Variants in LRRC8E observed in about 807,000 individuals in gnomAD.
LRRC8E encodes the protein leucine rich repeat containing 8 VRAC subunit E.
LRRC8E carries 6 observed loss-of-function variants against 6.1 expected under a neutral mutation model. That is an observed-to-expected ratio of 0.98 (90% CI 0.54 to 1.93). The LOEUF (loss-of-function observed/expected upper bound fraction) is 1.93. Ranked by LOEUF, LRRC8E falls within the 30% of genes most tolerant of loss-of-function variation. The probability of loss-of-function intolerance (pLI) is 0.01; values close to 1 mark genes in which losing one functional copy is unlikely to be tolerated. For synonymous variants in LRRC8E, 485 were observed against 472.8 expected (o/e 1.03, Z -0.33); for missense variants, 1,028 against 1,031.4 (o/e 1.00, Z 0.04).
Position 7,898,982 on chromosome 19 carries a change from G to C in LRRC8E, c.460G>C (p.Gly154Arg), listed in dbSNP as rs1444614536. ...GATTGAACACTTCATCTCCATCCTG[G>C]GCAAGTGTTTCGACTCTCCATGGAC... ...SKIEHFISILGKCFDSPWTTR... is the reference protein window; with the variant it reads ...SKIEHFISILRKCFDSPWTTR... Residue 154 changes from glycine (G) to arginine (R), a missense_variant, in exon 3 of 3, where the codon GGC (glycine) becomes CGC (arginine). Coordinates refer to ENST00000306708, the MANE Select transcript of LRRC8E (RefSeq NM_025061.6). The C allele has an allele frequency of 1.2e-6, 2 of 1,614,088 alleles. No homozygotes were observed. Among genetic ancestry groups the C allele is most frequent in the East Asian group, 4.5e-5 (2 of 44,880 alleles).
At chr19:7,897,684 C>T (rs879083437) in intron 2 of LRRC8E, among the ~76,000 whole-genome samples, 2 of 145,634 alleles carry the variant, frequency 1.4e-5, no homozygotes, top group Admixed American at 7.0e-5. Flanking sequence ...TGTATCCTCA[C>T]GTCATCTTCT....
In LRRC8E at chr19:7,900,872, G is replaced by C. The variant is rs753644940; in HGVS notation, c.2350G>C (p.Gly784Arg). ...CCTGGTGGAAGACACGCTTTACCAG[G>C]GTCTGCCGGCAGAAGTGCGGGACAA... is the stretch of plus-strand genomic sequence containing the variant. Reference protein sequence around the residue: ...GLLVEDTLYQGLPAEVRDKME... With the variant: ...GLLVEDTLYQRLPAEVRDKME... Residue 784 changes from glycine (G) to arginine (R), a missense_variant, in exon 3 of 3, where the codon GGT becomes CGT. By Grantham distance (125) the Gly-to-Arg change is moderately radical. Transcript: ENST00000306708. The surrounding 1 kb of genome is among the most constrained non-coding windows in gnomAD (Gnocchi z 5.0). 40 of 1,536,018 alleles carry C rather than the reference G, an allele frequency of 2.6e-5. No homozygotes were observed. The East Asian group carries it at 7.7e-4, about 30-fold the overall frequency.
chr19:7,890,107 C>G (rs954882141), intron 1 of LRRC8E, among the ~76,000 whole-genome samples: 5 of 151,916 alleles, frequency 3.3e-5, no homozygotes, highest in Non-Finnish European at 7.4e-5. Flanking sequence ...CCTCTTAGGG[C>G]TGAAAACTGC....
At position 7,900,009 on chromosome 19, in the gene LRRC8E, T is replaced by C; in HGVS notation, c.1487T>C (p.Leu496Pro). The change falls in exon 3 of 3, where the codon CTC (leucine) becomes CCC (proline). Residue 496 changes from leucine to proline, a missense_variant. By Grantham distance (98) the Leu-to-Pro change is moderately conservative. Transcript: ENST00000306708. The surrounding 1 kb of genome is among the most constrained non-coding windows in gnomAD (Gnocchi z 5.0). ...GTGATGCGCGTCAAATGCGAGGAGC[T>C]CCGCGAGGTGCCGCTTTGGGTGTTT... ...LKVMRVKCEE[L>P]REVPLWVFGL... 2 of 1,609,774 alleles carry C rather than the reference T, an allele frequency of 1.2e-6. No homozygotes were observed. The highest frequency in any genetic ancestry group is 1.7e-6 in the Non-Finnish European group (2 of 1,179,418).
Position 7,899,431 on chromosome 19 carries a change from C to T in LRRC8E, c.909C>T (p.His303=). The change falls in exon 3 of 3, where the codon CAC becomes CAT. Residue 303 remains histidine, a synonymous_variant. Transcript: ENST00000306708. ...VTGYASFCCN[H]TKAHLFSKLA... is the part of the protein sequence containing the mutation. ...GCTACGCCAGCTTCTGCTGCAACCACACCAAGGCCCACCTCTTCTCCAAGC... is the reference window on the plus strand; with the variant it reads ...GCTACGCCAGCTTCTGCTGCAACCATACCAAGGCCCACCTCTTCTCCAAGC... The T allele has an allele frequency of 1.2e-6, 2 of 1,614,188 alleles. No individual in the cohort carries two copies. The highest frequency in any genetic ancestry group is 1.7e-6 in the Non-Finnish European group (2 of 1,180,044).
In LRRC8E at chr19:7,900,620, A is replaced by G. The variant is rs776235373; in HGVS notation, c.2098A>G (p.Asn700Asp). The G allele has an allele frequency of 1.2e-6, 2 of 1,613,398 alleles. No individual in the cohort carries two copies. Among genetic ancestry groups the G allele is most frequent in the South Asian group, 2.2e-5 (2 of 91,088 alleles). Reference sequence around the variant, plus strand: ...GCCACCCGAGGTGGGCCTCCTGCAGAACCTACAGCACCTGGCCCTCTCCTA... The same window carrying G: ...GCCACCCGAGGTGGGCCTCCTGCAGGACCTACAGCACCTGGCCCTCTCCTA... ...SLPPEVGLLQNLQHLALSYNA... is the reference protein window; with the variant it reads ...SLPPEVGLLQDLQHLALSYNA... Residue 700 changes from asparagine (N) to aspartate (D), a missense_variant, in exon 3 of 3, where the codon AAC becomes GAC. By Grantham distance (23) the Asn-to-Asp change is conservative. Coordinates refer to ENST00000306708, the MANE Select transcript of LRRC8E (RefSeq NM_025061.6). This position sits in a 1 kb window ranked among gnomAD's most constrained non-coding sequence, Gnocchi z 5.0.
chr19:7,895,286 C>T lies in LRRC8E; in HGVS notation c.-5-313C>T, dbSNP rs759141176. 20 of 267,944 alleles carry T rather than the reference C, an allele frequency of 7.5e-5. No homozygotes were observed. Among genetic ancestry groups the T allele is most frequent in the Non-Finnish European group, 1.3e-4 (18 of 137,656 alleles). The allele number at this position is 267,944 out of a possible 1,614,324, so 16.6% of individuals were successfully genotyped here. On this transcript the variant is annotated intron_variant, in intron 1 of 2. Coordinates refer to ENST00000306708, the MANE Select transcript of LRRC8E (RefSeq NM_025061.6). This position sits in a 1 kb window ranked among gnomAD's most constrained non-coding sequence, Gnocchi z 4.7. ...GCCTCGTTTTGGGGAGGGGGCCACC[C>T]GAGGAGGCTGGAGGGCGGCGGCCCT...
chr19:7,893,026 A>G (rs1306683149), intron 1 of LRRC8E, among the ~76,000 whole-genome samples: 1 of 152,058 alleles, frequency 6.6e-6, no homozygotes, highest in Non-Finnish European at 1.5e-5. Context: ...TTTAGTTTTG[A>G]GACAGAGTCT....
intron 2 of LRRC8E, among the ~76,000 whole-genome samples, chr19:7,897,172 C>CTTTT (rs147426486): frequency 6.8e-6 from 1 of 147,388 alleles, no homozygotes; most frequent in Non-Finnish European, 1.5e-5. Context: ...TTTTCTTTTT[C>CTTTT]TTTTTCTTTT....
intron 1 of LRRC8E, chr19:7,893,570 CAG>C (rs1018086173): frequency 1.4e-5 from 2 of 147,606 alleles, no homozygotes; most frequent in African/African-American, 5.0e-5. Context: ...TTTCCCGAGA[CAG>C]AGTCTCGCTC....
At position 7,897,239 on chromosome 19, in the gene LRRC8E, G is replaced by A. The variant is rs778823376; in HGVS notation, c.139-1422G>A. 2.0e-5 allele frequency among the ~76,000 whole-genome samples: 3 copies of A among 150,384 alleles called. No homozygotes were observed. In the Admixed American group the frequency reaches 2.0e-4, roughly 10 times the overall value. ...GGCTGGCATGCAGTGGTGCGATCTC[G>A]GCTCACTGCAACCTCCGCCTCCCGG... On this transcript the variant is annotated intron_variant, in intron 2 of 2. Transcript: ENST00000306708.
In LRRC8E at chr19:7,900,813, T is replaced by G. The variant is rs374144670; in HGVS notation, c.2291T>G (p.Leu764Arg). Reference protein sequence around the residue: ...GNRLEALPEELGNCGGLKKAG... With the variant: ...GNRLEALPEERGNCGGLKKAG... ...CGCTTAGAGGCGCTGCCAGAAGAAC[T>G]TGGCAACTGTGGGGGGCTCAAGAAG... The change falls in exon 3 of 3, where the codon CTT (leucine) becomes CGT (arginine). Residue 764 changes from leucine (L) to arginine (R), a missense_variant. Transcript: ENST00000306708. The surrounding 1 kb of genome is among the most constrained non-coding windows in gnomAD (Gnocchi z 5.0). 1 of 1,596,258 alleles carries G rather than the reference T, an allele frequency of 6.3e-7. No homozygotes were observed. The highest frequency in any genetic ancestry group is 8.5e-7 in the Non-Finnish European group (1 of 1,170,254).
Position 7,898,344 on chromosome 19 carries a change from T to C in LRRC8E, c.139-317T>C, listed in dbSNP as rs377424101. Among the ~76,000 whole-genome samples, 14 of 151,602 alleles carry C rather than the reference T, an allele frequency of 9.2e-5. 1 individual carries two copies. The highest frequency in any genetic ancestry group is 3.4e-4 in the African/African-American group (14 of 41,278). On this transcript the variant is annotated intron_variant, in intron 2 of 2. Coordinates refer to ENST00000306708, the MANE Select transcript of LRRC8E (RefSeq NM_025061.6). ...TCAGCCTGCTTTTTCCCCATCCCCCTCATTTTCTCTCTTTTTTAAATTAAT... is the reference window on the plus strand; with the variant it reads ...TCAGCCTGCTTTTTCCCCATCCCCCCCATTTTCTCTCTTTTTTAAATTAAT...
rs1389012815 is a variant in LRRC8E at position 7,900,029 on chromosome 19, G to C, written c.1507G>C (p.Val503Leu). The C allele has an allele frequency of 6.2e-6, 10 of 1,610,668 alleles. No homozygotes were observed. Among genetic ancestry groups the C allele is most frequent in the Non-Finnish European group, 8.5e-6 (10 of 1,179,502 alleles). ...GGAGCTCCGCGAGGTGCCGCTTTGG[G>C]TGTTTGGGCTGCGGGGCTTGGAGGA... ...CEELREVPLW[V>L]FGLRGLEELH... The change falls in exon 3 of 3, where the codon GTG (valine) becomes CTG (leucine). Residue 503 changes from valine (V) to leucine (L), a missense_variant. Physicochemically the swap from Val to Leu is conservative, Grantham distance 32. Coordinates refer to ENST00000306708, the MANE Select transcript of LRRC8E (RefSeq NM_025061.6). The surrounding 1 kb of genome is among the most constrained non-coding windows in gnomAD (Gnocchi z 5.0).
chr19:7,888,976 C>G (rs1012874900), intron 1 of LRRC8E, among the ~76,000 whole-genome samples: 2 of 152,170 alleles, frequency 1.3e-5, no homozygotes, highest in Non-Finnish European at 2.9e-5. Flanking sequence ...GGGGTGGGTT[C>G]AACCAAGCCT....
Position 7,895,743 on chromosome 19 carries a change from T to G in LRRC8E, c.138+2T>G. 1 of 1,611,946 alleles carries G rather than the reference T, an allele frequency of 6.2e-7. No individual in the cohort carries two copies. The highest frequency in any genetic ancestry group is 8.5e-7 in the Non-Finnish European group (1 of 1,178,372). ...GGGGTCTTTGGCTGCACCCTCCAGGTGAGGCCCTCCCCTGGCAAGGGGGTG... is the reference window on the plus strand; with the variant it reads ...GGGGTCTTTGGCTGCACCCTCCAGGGGAGGCCCTCCCCTGGCAAGGGGGTG... On this transcript the variant is annotated splice_donor_variant, in intron 2 of 2. Coordinates refer to ENST00000306708, the MANE Select transcript of LRRC8E (RefSeq NM_025061.6). LOFTEE classifies it high-confidence loss of function. The surrounding 1 kb of genome is among the most constrained non-coding windows in gnomAD (Gnocchi z 4.7).
At position 7,898,750 on chromosome 19, in the gene LRRC8E, G is replaced by A; in HGVS notation, c.228G>A (p.Gly76=). 2 of 1,614,050 alleles carry A rather than the reference G, an allele frequency of 1.2e-6. No homozygotes were observed. Among genetic ancestry groups the A allele is most frequent in the Non-Finnish European group, 8.5e-7 (1 of 1,180,000 alleles). The change falls in exon 3 of 3, where the codon GGG becomes GGA. Residue 76 remains glycine (G), a synonymous_variant. Coordinates refer to ENST00000306708, the MANE Select transcript of LRRC8E (RefSeq NM_025061.6). The part of the protein sequence containing the change: ...EAPCQQLLPR[G]IPEQIGALQE... ...CGTGCCAGCAATTGCTGCCTCGGGG[G>A]ATCCCTGAGCAGATTGGGGCCCTGC...
rs746927093 is a variant in LRRC8E at position 7,895,561 on chromosome 19, GTC to G, written c.-5-30_-5-29del. On this transcript the variant is annotated intron_variant, in intron 1 of 2. Coordinates refer to ENST00000306708, the MANE Select transcript of LRRC8E (RefSeq NM_025061.6). The surrounding 1 kb of genome is among the most constrained non-coding windows in gnomAD (Gnocchi z 4.7). ...CCCTGCAGAGCCTCCCATCCTGAGGGTCTCTCTCTACACCCCCCGTCTCGTCC... is the reference window on the plus strand; with the variant it reads ...CCCTGCAGAGCCTCCCATCCTGAGGGTCTCTCTACACCCCCCGTCTCGTCC... 21 of 1,594,308 alleles carry G rather than the reference GTC, an allele frequency of 1.3e-5. No individual in the cohort carries two copies. The highest frequency in any genetic ancestry group is 2.7e-5 in the African/African-American group (2 of 74,598).
At position 7,901,192 on chromosome 19, in the gene LRRC8E, C is replaced by T. The variant is rs1490053921; in HGVS notation, c.*279C>T. ...CACACCTGTGTCTCTGGCAGGCTGG[C>T]TGGCCTTGCTCCCATCCCTAGAACT... On this transcript the variant is annotated 3_prime_UTR_variant, in exon 3 of 3. Transcript: ENST00000306708. 6.3e-6 allele frequency: 2 copies of T among 315,708 alleles called. No homozygotes were observed. The highest frequency in any genetic ancestry group is 8.8e-5 in the Admixed American group (2 of 22,602). The allele number at this position is 315,708 out of a possible 1,614,324, so 19.6% of individuals were successfully genotyped here. A position where few individuals can be genotyped will look rare whatever the true frequency, so the allele number is the denominator to read the frequency against.
Sources: gnomAD v4.1 joint callset for allele counts (sites outside exome capture counted in the v4.1 genomes callset) on GRCh38, gnomAD v4.1.1 for gene constraint, Gnocchi (gnomAD v3.1) non-coding constraint, MANE v1.5 for transcripts, NCBI Gene and HGNC (gene_info 2026-07-23, HGNC 2026-07-21) for gene names.